Variants in DLG2 observed in about 807,000 individuals in gnomAD.
The protein encoded by DLG2 is discs large MAGUK scaffold protein 2.
A neutral mutation model predicts 132.5 loss-of-function variants in DLG2; 45 were observed. That is an observed-to-expected ratio of 0.34 (90% CI 0.27 to 0.44). DLG2 has a LOEUF of 0.44. Ranked by LOEUF, DLG2 falls within the 20% of genes least tolerant of loss-of-function variation. The probability of loss-of-function intolerance (pLI) is 1.00; values close to 1 mark genes in which losing one functional copy is unlikely to be tolerated. For synonymous variants in DLG2, 424 were observed against 419.6 expected (o/e 1.01, Z -0.13); for missense variants, 1,045 against 1,196.9 (o/e 0.87, Z 1.87).
intron 19 of DLG2, among the ~76,000 whole-genome samples, chr11:83,550,427 G>A (rs1214409065): frequency 6.6e-6 from 1 of 152,160 alleles, no homozygotes; most frequent in Non-Finnish European, 1.5e-5. Context: ...AGAGTCTCCA[G>A]GGACGGGGCC....
chr11:84,705,252 G>T (rs1026931024), intron 6 of DLG2, among the ~76,000 whole-genome samples: 2 of 151,638 alleles, frequency 1.3e-5, no homozygotes, highest in African/African-American at 2.4e-5. Context: ...TACACATAGG[G>T]GAATTTTCCA....
At chr11:84,285,624 T>G (rs2097902127) in intron 7 of DLG2, among the ~76,000 whole-genome samples, 1 of 152,156 alleles carries the variant, frequency 6.6e-6, no homozygotes, top group Non-Finnish European at 1.5e-5. Context: ...TTCTTCCAGA[T>G]GTGAAAATTA....
rs907375661 is a variant in DLG2 at position 84,279,995 on chromosome 11, C to T, written c.520-28704G>A. Among the ~76,000 whole-genome samples the T allele has an allele frequency of 3.3e-5, 5 of 152,244 alleles. No individual in the cohort carries two copies. In the South Asian group the frequency reaches 1.0e-3, roughly 32 times the overall value. Reference sequence around the variant, plus strand: ...ACAAGATAAGTACGTCCCTTCTCACCACTTATATTCAACATTGTCGGAGAG... The same window carrying T: ...ACAAGATAAGTACGTCCCTTCTCACTACTTATATTCAACATTGTCGGAGAG... On this transcript the variant is annotated intron_variant, in intron 7 of 27. Coordinates refer to ENST00000376104, the MANE Select transcript of DLG2 (RefSeq NM_001142699.3).
intron 7 of DLG2, among the ~76,000 whole-genome samples, chr11:84,362,752 G>A (rs1404663970): frequency 6.6e-6 from 1 of 151,766 alleles, no homozygotes; most frequent in East Asian, 1.9e-4. Flanking sequence ...GAGTGAGAAT[G>A]TGCGGTGTTT....
intron 21 of DLG2, among the ~76,000 whole-genome samples, chr11:83,505,720 C>A: frequency 6.6e-6 from 1 of 152,194 alleles, no homozygotes; most frequent in East Asian, 1.9e-4. Flanking sequence ...CCATGCAAAG[C>A]GCAAAACCAG....
At chr11:85,254,925 G>A (rs560743592) in intron 4 of DLG2, among the ~76,000 whole-genome samples, 1 of 151,830 alleles carries the variant, frequency 6.6e-6, no homozygotes, top group East Asian at 1.9e-4. Flanking sequence ...CGTGAACCCA[G>A]GAGGCGGAGC....
intron 8 of DLG2, among the ~76,000 whole-genome samples, chr11:84,248,135 C>T (rs1022886387): frequency 9.2e-5 from 14 of 152,052 alleles, no homozygotes; most frequent in African/African-American, 3.4e-4. Flanking sequence ...AAGGTTACCC[C>T]GTGAGTCAGG....
intron 16 of DLG2, among the ~76,000 whole-genome samples, chr11:83,852,039 G>T (rs1385568033): frequency 1.3e-5 from 2 of 152,186 alleles, no homozygotes; most frequent in Admixed American, 6.5e-5. Flanking sequence ...ACTCGAGGTT[G>T]CTGGTAAAAC....
At chr11:84,842,811 C>T (rs1008389172) in intron 6 of DLG2, among the ~76,000 whole-genome samples, 2 of 151,688 alleles carry the variant, frequency 1.3e-5, no homozygotes, top group African/African-American at 2.4e-5. Flanking sequence ...TGTGTGCATG[C>T]ATGTGTGGAT....
chr11:84,713,530 G>A (rs922409193), intron 6 of DLG2, among the ~76,000 whole-genome samples: 1 of 152,066 alleles, frequency 6.6e-6, no homozygotes, highest in Non-Finnish European at 1.5e-5. Flanking sequence ...AGGTATTTTT[G>A]AGGTGATACA....
At chr11:85,411,461 A>G (rs1387551932) in intron 3 of DLG2, among the ~76,000 whole-genome samples, 2 of 151,844 alleles carry the variant, frequency 1.3e-5, no homozygotes, top group Non-Finnish European at 2.9e-5. Context: ...CAAGTTTATC[A>G]TGTTGAATTT....
intron 18 of DLG2, among the ~76,000 whole-genome samples, chr11:83,749,809 G>A (rs1282491793): frequency 1.3e-5 from 2 of 152,084 alleles, no homozygotes; most frequent in East Asian, 3.9e-4. Context: ...GTCTCCTATG[G>A]GTATGTTTGT....
Position 84,535,954 on chromosome 11 carries a change from C to CATATATATATATATATATAT in DLG2, c.358-1224_358-1223insATATATATATATATATATAT, listed in dbSNP as rs778920932. ...CATCAATGGTTAATTTTTTCATATA[C>CATATATATATATATATATAT]ATATATATATAAAACTTCTAGGACA... On this transcript the variant is annotated intron_variant, in intron 6 of 27. Coordinates refer to ENST00000376104, the MANE Select transcript of DLG2 (RefSeq NM_001142699.3). Among the ~76,000 whole-genome samples the CATATATATATATATATATAT allele has an allele frequency of 8.4e-3, 1,209 of 144,376 alleles. 29 individuals carry two copies. The highest frequency in any genetic ancestry group is 0.012 in the Non-Finnish European group (808 of 64,968). 94.7% of individuals were successfully genotyped at this position (144,376 alleles called of 152,430 possible).
chr11:84,951,254 T>C lies in DLG2; in HGVS notation c.357+160407A>G, dbSNP rs559693149. ...ATTTTTAAAGCATTATTCTAATCTT[T>C]ACAAGCATCCTATATGGCAAGATCT... On this transcript the variant is annotated intron_variant, in intron 6 of 27. Coordinates refer to ENST00000376104, the MANE Select transcript of DLG2 (RefSeq NM_001142699.3). Among the ~76,000 whole-genome samples, 97 of 152,340 alleles carry C rather than the reference T, an allele frequency of 6.4e-4. 1 individual carries two copies. The South Asian group carries it at 8.7e-3, about 14-fold the overall frequency.
chr11:84,031,357 T>C (rs2095685882), intron 11 of DLG2, among the ~76,000 whole-genome samples: 1 of 152,176 alleles, frequency 6.6e-6, no homozygotes, highest in Admixed American at 6.5e-5. Context: ...GGATACATTT[T>C]AAGTCAAATA....
intron 3 of DLG2, among the ~76,000 whole-genome samples, chr11:85,316,918 A>T (rs566433761): frequency 6.7e-6 from 1 of 149,478 alleles, no homozygotes; most frequent in Non-Finnish European, 1.5e-5. Context: ...TATCAAATAC[A>T]TACTTAAATA....
intron 6 of DLG2, among the ~76,000 whole-genome samples, chr11:84,714,338 T>C (rs1259850969): frequency 6.6e-6 from 1 of 152,062 alleles, no homozygotes; most frequent in Non-Finnish European, 1.5e-5. Context: ...CACATTTAAA[T>C]AAACAAATGG....
intron 11 of DLG2, among the ~76,000 whole-genome samples, chr11:83,995,743 A>G (rs2093988032): frequency 6.6e-6 from 1 of 152,172 alleles, no homozygotes; most frequent in Non-Finnish European, 1.5e-5. Context: ...CTCTTCAATA[A>G]ATGGTGCTGG....
At chr11:84,975,412 T>C (rs1450148110) in intron 6 of DLG2, among the ~76,000 whole-genome samples, 1 of 152,204 alleles carries the variant, frequency 6.6e-6, no homozygotes, top group East Asian at 1.9e-4. Flanking sequence ...AGCCGATACA[T>C]ATCTTTTGCA....
Sources: gnomAD v4.1 joint callset for allele counts (sites outside exome capture counted in the v4.1 genomes callset) on GRCh38, gnomAD v4.1.1 for gene constraint, MANE v1.5 for transcripts, NCBI Gene and HGNC (gene_info 2026-07-23, HGNC 2026-07-21) for gene names.